The following NHEJ1 variants were observed in gnomAD, a reference collection of about 807,000 sequenced individuals.
NHEJ1 encodes non-homologous end joining factor 1, also known as non-homologous end-joining factor 1.
In NHEJ1, 22 loss-of-function variants were observed where a neutral mutation model predicts 39.4. The ratio of observed to expected loss-of-function variants is 0.56; its 90% CI spans 0.40 to 0.80. The LOEUF (loss-of-function observed/expected upper bound fraction) is 0.80. NHEJ1 is among the 30% of genes least tolerant of loss of function. NHEJ1 has a pLI of 0.00. For synonymous variants in NHEJ1, 154 were observed against 135.6 expected (o/e 1.14, Z -0.94); for missense variants, 329 against 357.1 (o/e 0.92, Z 0.63).
In NHEJ1 at chr2:219,111,857, GC is replaced by G. The variant is rs1229975913; in HGVS notation, c.589-33652del. On this transcript the variant is annotated intron_variant, in intron 5 of 7. Coordinates refer to ENST00000356853, the MANE Select transcript of NHEJ1 (RefSeq NM_024782.3). This position sits in a 1 kb window ranked among gnomAD's most constrained non-coding sequence, Gnocchi z 4.1. ...ATGGGACTGACCACAGCTGCCCCACGCGCTTGGCCAGCATCATGGCAGGATG... is the reference window on the plus strand; with the variant it reads ...ATGGGACTGACCACAGCTGCCCCACGGCTTGGCCAGCATCATGGCAGGATG... Among the ~76,000 whole-genome samples the G allele has an allele frequency of 1.3e-5, 2 of 152,148 alleles. No homozygotes were observed. The highest frequency in any genetic ancestry group is 1.5e-5 in the Non-Finnish European group (1 of 68,018).
intron 5 of NHEJ1, among the ~76,000 whole-genome samples, chr2:219,117,376 G>A (rs541426315): frequency 6.6e-6 from 1 of 152,282 alleles, no homozygotes; most frequent in African/African-American, 2.4e-5. Flanking sequence ...CAGGGATGAA[G>A]GCCTCTAGGC....
In NHEJ1 at chr2:219,077,489, T is replaced by C. The variant is rs1949025542; in HGVS notation, c.707-125A>G. 3.3e-5 allele frequency: 26 copies of C among 788,488 alleles called. 1 individual carries two copies. The South Asian group carries it at 3.7e-4, about 11-fold the overall frequency. 48.8% of individuals were successfully genotyped at this position (788,488 alleles called of 1,614,324 possible). ...GTACAAATATATAAGCAGACAGAAG[T>C]AGCCACAAGTCCAACTTCCAGCTGA... On this transcript the variant is annotated intron_variant, in intron 6 of 7. Coordinates refer to ENST00000356853, the MANE Select transcript of NHEJ1 (RefSeq NM_024782.3).
intron 5 of NHEJ1, among the ~76,000 whole-genome samples, chr2:219,117,513 T>G (rs1423111191): frequency 6.6e-6 from 1 of 152,196 alleles, no homozygotes; most frequent in Admixed American, 6.5e-5. Flanking sequence ...GCTCAGAGAA[T>G]CAGCCAGAAT....
chr2:219,106,693 C>T (rs936453186), intron 5 of NHEJ1, among the ~76,000 whole-genome samples: 57 of 152,270 alleles, frequency 3.7e-4, no homozygotes, highest in African/African-American at 1.2e-3. Context: ...AGCCCTTTTA[C>T]CATTATGCAA....
chr2:219,071,582 C>T lies in NHEJ1; in HGVS notation c.*4799G>A, dbSNP rs1948957367. Among the ~76,000 whole-genome samples, 1 of 152,198 alleles carries T rather than the reference C, an allele frequency of 6.6e-6. No homozygotes were observed. Among genetic ancestry groups the T allele is most frequent in the African/African-American group, 2.4e-5 (1 of 41,448 alleles). ...AGGGACTCCCAGCAGCCCCTGAACC[C>T]TACTCCCCAATTCTAACTCTGCTAC... On this transcript the variant is annotated 3_prime_UTR_variant, in exon 8 of 8. Coordinates refer to ENST00000356853, the MANE Select transcript of NHEJ1 (RefSeq NM_024782.3).
In NHEJ1 at chr2:219,076,428, G is replaced by A. The variant is rs1389461787; in HGVS notation, c.853C>T (p.Gln285Ter). 2 of 1,613,972 alleles carry A rather than the reference G, an allele frequency of 1.2e-6. No individual in the cohort carries two copies. The highest frequency in any genetic ancestry group is 2.7e-5 in the African/African-American group (2 of 74,882). ...TGTSGPLQRP[Q>*]LSKVKRKKPR... is the part of the protein sequence containing the mutation. The stretch of plus-strand genomic sequence containing the variant: ...TTCTTCCTCTTGACCTTTGACAGCT[G>A]AGGTCTCTGCAGAGGGCCTGAAGTA... The change falls in exon 8 of 8, where the codon CAG (glutamine) becomes TAG (stop). Residue 285 changes from glutamine (Q) to a stop codon, truncating the protein, a stop_gained. Transcript: ENST00000356853. LOFTEE classifies it high-confidence loss of function.
intron 5 of NHEJ1, among the ~76,000 whole-genome samples, chr2:219,127,108 GAAGCCACTGAACAGTTTT>G (rs1949532529): frequency 6.6e-6 from 1 of 152,192 alleles, no homozygotes; most frequent in Non-Finnish European, 1.5e-5. Flanking sequence ...AGGACAGCAG[GAAGCCACTGAACAGTTTT>G]AAGCAGGGAC....
rs1473810582 is a variant in NHEJ1, at chr2:219,074,798, A to G, written c.*1583T>C. On this transcript the variant is annotated 3_prime_UTR_variant, in exon 8 of 8. Coordinates refer to ENST00000356853, the MANE Select transcript of NHEJ1 (RefSeq NM_024782.3). ...AAGCCAGCTGATAGGCTGTTTTTAT[A>G]TAGTTCCCAATTCACTTCGATGACA... is the stretch of plus-strand genomic sequence containing the variant. Among the ~76,000 whole-genome samples the G allele has an allele frequency of 6.6e-6, 1 of 152,004 alleles. No individual in the cohort carries two copies. Among genetic ancestry groups the G allele is most frequent in the Non-Finnish European group, 1.5e-5 (1 of 68,000 alleles).
intron 5 of NHEJ1, among the ~76,000 whole-genome samples, chr2:219,093,433 G>A (rs748041752): frequency 2.0e-5 from 3 of 152,198 alleles, no homozygotes; most frequent in African/African-American, 7.2e-5. Flanking sequence ...GCTATCAGAG[G>A]TCCTCTTGCA....
intron 3 of NHEJ1, among the ~76,000 whole-genome samples, chr2:219,148,424 T>C (rs1051608580): frequency 6.6e-6 from 1 of 152,076 alleles, no homozygotes; most frequent in Admixed American, 6.6e-5. Context: ...CCAGGCACAG[T>C]AGCATGCATC....
At chr2:219,099,483 C>T (rs1488194725) in intron 5 of NHEJ1, among the ~76,000 whole-genome samples, 2 of 152,126 alleles carry the variant, frequency 1.3e-5, no homozygotes, top group Non-Finnish European at 1.5e-5. Context: ...TAGAGAAGTA[C>T]TGGAGAAGGC....
chr2:219,108,237 C>T (rs1386786549), intron 5 of NHEJ1, among the ~76,000 whole-genome samples: 1 of 152,222 alleles, frequency 6.6e-6, no homozygotes, highest in Non-Finnish European at 1.5e-5. Flanking sequence ...TCAGAAGGCT[C>T]TGCCCTCCTT....
chr2:219,127,159 C>A (rs1702235171), intron 5 of NHEJ1, among the ~76,000 whole-genome samples: 1 of 152,162 alleles, frequency 6.6e-6, no homozygotes, highest in Admixed American at 6.5e-5. Context: ...TTACGTTGAT[C>A]AGCAGGTTCC....
intron 5 of NHEJ1, among the ~76,000 whole-genome samples, chr2:219,134,778 G>A (rs905478469): frequency 6.6e-6 from 1 of 152,016 alleles, no homozygotes; most frequent in Non-Finnish European, 1.5e-5. Context: ...GGTGGCTCAC[G>A]CTGGTAATCC....
chr2:219,089,106 A>G (rs1289619784), intron 5 of NHEJ1, among the ~76,000 whole-genome samples: 1 of 152,226 alleles, frequency 6.6e-6, no homozygotes, highest in Non-Finnish European at 1.5e-5. Context: ...GGCATGAGCC[A>G]TTGCGCCCAG....
chr2:219,080,080 G>C (rs903366483), intron 5 of NHEJ1, among the ~76,000 whole-genome samples: 2 of 152,182 alleles, frequency 1.3e-5, no homozygotes, highest in African/African-American at 4.8e-5. Context: ...TGCTAGAAAT[G>C]CTGCACCTGG....
At chr2:219,140,447 G>GC (rs1949679710) in intron 5 of NHEJ1, among the ~76,000 whole-genome samples, 1 of 152,224 alleles carries the variant, frequency 6.6e-6, no homozygotes, top group Admixed American at 6.5e-5. Flanking sequence ...GGAGGCTTTT[G>GC]CCATAATGCA....
chr2:219,119,801 C>A (rs1485398129), intron 5 of NHEJ1, among the ~76,000 whole-genome samples: 2 of 152,182 alleles, frequency 1.3e-5, no homozygotes, highest in African/African-American at 2.4e-5. Flanking sequence ...AAATCCAGTG[C>A]TCCAATCTTC....
intron 1 of NHEJ1, chr2:219,159,073 T>A (rs1949885580): frequency 6.5e-6 from 1 of 152,844 alleles, no homozygotes; most frequent in African/African-American, 2.4e-5. Flanking sequence ...AGAAAAGACC[T>A]AAATTTCATT....
Sources: gnomAD v4.1 joint callset for allele counts (sites outside exome capture counted in the v4.1 genomes callset) on GRCh38, gnomAD v4.1.1 for gene constraint, Gnocchi (gnomAD v3.1) non-coding constraint, MANE v1.5 for transcripts, NCBI Gene and HGNC (gene_info 2026-07-23, HGNC 2026-07-21) for gene names.